Variants in DNAH9 observed in about 807,000 individuals in gnomAD.
DNAH9 encodes dynein axonemal heavy chain 9.
DNAH9 carries 345 observed loss-of-function variants against 471.6 expected under a neutral mutation model. The ratio of observed to expected loss-of-function variants is 0.73; its 90% CI spans 0.67 to 0.80. The LOEUF (loss-of-function observed/expected upper bound fraction) is 0.80. DNAH9 is among the 30% of genes least tolerant of loss of function. DNAH9 has a pLI of 0.00. For missense variants in DNAH9, 5,407 were observed against 5,609.2 expected (o/e 0.96, Z 1.15); for synonymous variants, 2,093 against 2,123.6 (o/e 0.99, Z 0.40).
rs3744588 is a variant in DNAH9 at position 11,881,512 on chromosome 17, T to C, written c.10806+99T>C. ...GGGGGCTGTTTTTCCTGGATTGAGT[T>C]AGGTGGGTTCTGCTAGACTCTGGAA... On this transcript the variant is annotated intron_variant, in intron 55 of 68. Coordinates refer to ENST00000262442, the MANE Select transcript of DNAH9 (RefSeq NM_001372.4). The C allele has an allele frequency of 0.46, 570,210 of 1,243,252 alleles. 132,866 individuals carry two copies. The highest frequency in any genetic ancestry group is 0.52 in the Admixed American group (20,078 of 38,408). 77.0% of individuals were successfully genotyped at this position (1,243,252 alleles called of 1,614,324 possible). A position where few individuals can be genotyped will look rare whatever the true frequency, so the allele number is the denominator to read the frequency against.
chr17:11,880,015 A>G (rs1972652049), intron 53 of DNAH9, 63 bp from the exon 54 acceptor site: 1 of 1,594,044 alleles, frequency 6.3e-7, no homozygotes, highest in Non-Finnish European at 8.6e-7. Flanking sequence ...TGTCTCATTA[A>G]ATGGTCTCAA....
Position 11,745,133 on chromosome 17 carries a change from C to T in DNAH9, c.6399+49C>T. The T allele has an allele frequency of 2.1e-6, 3 of 1,460,880 alleles. 1 individual carries two copies. The Middle Eastern group carries it at 5.3e-4, about 260-fold the overall frequency. 90.5% of individuals were successfully genotyped at this position (1,460,880 alleles called of 1,614,324 possible). On this transcript the variant is annotated intron_variant, in intron 31 of 68. Transcript: ENST00000262442. ...GATTTCTCTATCTCTTACTTATTGT[C>T]CAGGATAATGGGTTATCCTTCATCC...
At chr17:11,871,451 A>G in intron 51 of DNAH9, 147 bp from the exon 52 acceptor site, 1 of 684,772 alleles carries the variant, frequency 1.5e-6, no homozygotes, top group Non-Finnish European at 2.5e-6. Context: ...GGCAGCACAA[A>G]TCCCCATTAA....
intron 61 of DNAH9, among the ~76,000 whole-genome samples, chr17:11,923,563 G>A (rs369659253): frequency 1.3e-5 from 2 of 151,574 alleles, no homozygotes; most frequent in African/African-American, 4.9e-5. Context: ...CGCTCGCCTC[G>A]GCCTCCCAAA....
chr17:11,762,208 G>A (rs1023572710), intron 35 of DNAH9, among the ~76,000 whole-genome samples: 5 of 152,208 alleles, frequency 3.3e-5, no homozygotes, highest in African/African-American at 9.7e-5. Flanking sequence ...AGTGAATGGC[G>A]TGCTGTGCAG....
At chr17:11,757,095 G>A (rs138279552) in intron 34 of DNAH9, among the ~76,000 whole-genome samples, 168 of 152,198 alleles carry the variant, frequency 1.1e-3, no homozygotes, top group South Asian at 4.1e-3. Context: ...AATGTCAGTT[G>A]CCAAAGGTGA....
chr17:11,773,838 G>A (rs1245186269), intron 38 of DNAH9, among the ~76,000 whole-genome samples: 1 of 152,194 alleles, frequency 6.6e-6, no homozygotes, highest in Non-Finnish European at 1.5e-5. Context: ...CCTTATGAGT[G>A]CAGCTAATAA....
At chr17:11,608,967 T>C (rs1354910927) in intron 2 of DNAH9, among the ~76,000 whole-genome samples, 1 of 152,180 alleles carries the variant, frequency 6.6e-6, no homozygotes, top group Admixed American at 6.5e-5. Flanking sequence ...CGAGTTTTCT[T>C]TGTTTCTATC....
intron 57 of DNAH9, among the ~76,000 whole-genome samples, chr17:11,890,366 A>C (rs143097339): frequency 3.2e-4 from 48 of 152,338 alleles, no homozygotes; most frequent in African/African-American, 9.6e-4. Flanking sequence ...AAGATTTTGC[A>C]AAGATCATTA....
chr17:11,702,405 A>G (rs143092428), intron 24 of DNAH9, among the ~76,000 whole-genome samples: 184 of 152,294 alleles, frequency 1.2e-3, no homozygotes, highest in African/African-American at 4.3e-3. Flanking sequence ...GTATAGTAGT[A>G]GTGTTGCTCT....
At chr17:11,734,956 A>G (rs192883483) in intron 28 of DNAH9, among the ~76,000 whole-genome samples, 13 of 152,206 alleles carry the variant, frequency 8.5e-5, no homozygotes, top group Admixed American at 1.3e-4. Context: ...CTCAAATTTC[A>G]GCGTGCATCA....
intron 1 of DNAH9, among the ~76,000 whole-genome samples, chr17:11,599,243 A>G (rs2072333958): frequency 6.6e-6 from 1 of 152,188 alleles, no homozygotes; most frequent in Admixed American, 6.5e-5. Context: ...AGTCAGGGGA[A>G]GACCATAATC....
Position 11,749,063 on chromosome 17 carries a change from GGTTTTTTTTTGTTTTT to G in DNAH9, c.6610+1298_6610+1313del, listed in dbSNP as rs778811245. Among the ~76,000 whole-genome samples, 76 of 25,592 alleles carry G rather than the reference GGTTTTTTTTTGTTTTT, an allele frequency of 3.0e-3. 1 individual carries two copies. The highest frequency in any genetic ancestry group is 6.1e-3 in the African/African-American group (66 of 10,876). 16.8% of individuals were successfully genotyped at this position (25,592 alleles called of 152,430 possible). On this transcript the variant is annotated intron_variant, in intron 32 of 68. Transcript: ENST00000262442. ...TGTTTTTCTTACCAATTTTTAAGAG[GGTTTTTTTTTGTTTTT>G]TTTTTTGTTTTTTTTTTTTTTTTGA...
rs755374372 is a variant in DNAH9 at position 11,690,176 on chromosome 17, G to A, written c.4354G>A (p.Glu1452Lys). The change falls in exon 20 of 69, where the codon GAG becomes AAG. Residue 1452 changes from glutamate to lysine, a missense_variant. Physicochemically the swap from Glu to Lys is moderately conservative, Grantham distance 56. Around this residue, in one of 3 missense-constraint regions of DNAH9, gnomAD observed 4,636 missense variants for 4,900.3 expected, o/e 0.95. Coordinates refer to ENST00000262442, the MANE Select transcript of DNAH9 (RefSeq NM_001372.4). ...TTWAGMEFQY[E>K]PHPRTNVPLL... ...CTGGGCTGGCATGGAATTCCAGTATGAGCCCCACCCACGGACCAATGTCCC... is the reference window on the plus strand; with the variant it reads ...CTGGGCTGGCATGGAATTCCAGTATAAGCCCCACCCACGGACCAATGTCCC... The A allele has an allele frequency of 6.8e-6, 11 of 1,614,112 alleles. No homozygotes were observed. Among genetic ancestry groups the A allele is most frequent in the African/African-American group, 1.3e-5 (1 of 74,940 alleles).
Position 11,617,639 on chromosome 17 carries a change from T to C in DNAH9, c.1116+17T>C, listed in dbSNP as rs2072773930. On this transcript the variant is annotated intron_variant, in intron 5 of 68. Transcript: ENST00000262442. ...ATCCAGCAGGTGGGCTGCCCTGGGA[T>C]GCCCAGCAACTGCTCCCTGGGGGCT... 3 of 1,598,470 alleles carry C rather than the reference T, an allele frequency of 1.9e-6. No individual in the cohort carries two copies. The highest frequency in any genetic ancestry group is 2.7e-5 in the African/African-American group (2 of 74,696).
chr17:11,886,482 A>C (rs1972880874), intron 56 of DNAH9, among the ~76,000 whole-genome samples: 2 of 149,448 alleles, frequency 1.3e-5, no homozygotes, highest in South Asian at 4.2e-4. Context: ...ACTGCTTGGC[A>C]TTCTAGTTCA....
At chr17:11,792,197 C>T (rs2150907065) in intron 41 of DNAH9, among the ~76,000 whole-genome samples, 1 of 152,250 alleles carries the variant, frequency 6.6e-6, no homozygotes. Flanking sequence ...TTGCTTGAAC[C>T]TGGGAGGCGG....
chr17:11,966,768 A>G (rs1976759738), intron 68 of DNAH9, among the ~76,000 whole-genome samples: 1 of 152,158 alleles, frequency 6.6e-6, no homozygotes, highest in African/African-American at 2.4e-5. Flanking sequence ...ATTGAAAGTA[A>G]GCTGGAATTA....
At chr17:11,644,802 C>T in intron 11 of DNAH9, 103 bp downstream of exon 11, 1 of 800,194 alleles carries the variant, frequency 1.2e-6, no homozygotes. Flanking sequence ...TCCGAAGTAT[C>T]ACTCTATGTT....
Sources: gnomAD v4.1 joint callset for allele counts (sites outside exome capture counted in the v4.1 genomes callset) on GRCh38, gnomAD v4.1.1 for gene constraint, gnomAD v4.1.1 regional missense constraint, MANE v1.5 for transcripts, NCBI Gene and HGNC (gene_info 2026-07-23, HGNC 2026-07-21) for gene names.